The following APBA2 variants were observed in gnomAD, a reference collection of about 807,000 sequenced individuals.
APBA2 encodes the protein amyloid beta precursor protein binding family A member 2, also known as amyloid-beta A4 precursor protein-binding family A member 2.
A neutral mutation model predicts 75.0 loss-of-function variants in APBA2; 30 were observed. The observed-to-expected ratio is 0.40, with a 90% CI of 0.30 to 0.54. APBA2 has a LOEUF of 0.54. APBA2 is among the 20% of genes least tolerant of loss of function. The pLI, the probability that APBA2 is intolerant of heterozygous loss-of-function variation, is 0.49. For synonymous variants in APBA2, 444 were observed against 409.6 expected (o/e 1.08, Z -1.01); for missense variants, 801 against 1,016.1 (o/e 0.79, Z 2.88).
intron 1 of APBA2, among the ~76,000 whole-genome samples, chr15:28,896,705 T>C (rs2032513948): frequency 6.6e-6 from 1 of 152,200 alleles, no homozygotes; most frequent in Admixed American, 6.5e-5. Flanking sequence ...GGAGATGGGC[T>C]ATCATTGTGC....
At chr15:28,999,532 G>A (rs895905814) in intron 3 of APBA2, among the ~76,000 whole-genome samples, 1 of 152,162 alleles carries the variant, frequency 6.6e-6, no homozygotes, top group East Asian at 1.9e-4. Context: ...TAGAAAGTCT[G>A]ATAATCGAAG....
intron 3 of APBA2, among the ~76,000 whole-genome samples, chr15:29,051,295 C>A (rs2041582321): frequency 1.3e-5 from 2 of 152,122 alleles, no homozygotes; most frequent in African/African-American, 4.8e-5. Flanking sequence ...AATTGTCCTG[C>A]CAGTTTCAGG....
At chr15:28,964,166 A>G (rs546852366) in intron 2 of APBA2, among the ~76,000 whole-genome samples, 3 of 152,326 alleles carry the variant, frequency 2.0e-5, no homozygotes, top group Middle Eastern at 3.4e-3. Context: ...TTATTCCTCT[A>G]TGATCAATTA....
In APBA2 at chr15:29,042,510, G is replaced by T. The variant is rs527816892; in HGVS notation, c.-40-11335G>T. Among the ~76,000 whole-genome samples, 6 of 152,090 alleles carry T rather than the reference G, an allele frequency of 3.9e-5. No homozygotes were observed. In the East Asian group the frequency reaches 9.7e-4, roughly 25 times the overall value. On this transcript the variant is annotated intron_variant, in intron 3 of 14. Coordinates refer to ENST00000683413, the MANE Select transcript of APBA2 (RefSeq NM_001353788.2). Reference sequence around the variant, plus strand: ...CCTGACCTTGTGATCCGCCCGCCTCGGCCTCCCAAAGTGCTGGGATTACAG... The same window carrying T: ...CCTGACCTTGTGATCCGCCCGCCTCTGCCTCCCAAAGTGCTGGGATTACAG...
chr15:29,064,789 G>T (rs2042304479), intron 4 of APBA2, among the ~76,000 whole-genome samples: 1 of 152,080 alleles, frequency 6.6e-6, no homozygotes, highest in East Asian at 1.9e-4. Flanking sequence ...CTGAGGGGAG[G>T]GACATTAGGA....
intron 1 of APBA2, among the ~76,000 whole-genome samples, chr15:28,891,700 C>T (rs537604057): frequency 7.2e-5 from 11 of 152,294 alleles, no homozygotes; most frequent in African/African-American, 2.6e-4. Context: ...TTCTGAAACT[C>T]TCAGGCAAGG....
At chr15:28,950,166 C>T (rs531367899) in intron 2 of APBA2, among the ~76,000 whole-genome samples, 45 of 152,242 alleles carry the variant, frequency 3.0e-4, no homozygotes, top group Admixed American at 2.8e-3. Context: ...ATCTGCTGTT[C>T]TTCTCATGGT....
chr15:28,977,240 C>G (rs2037385556), intron 2 of APBA2: 1 of 152,142 alleles, frequency 6.6e-6, no homozygotes, highest in Admixed American at 6.5e-5. Flanking sequence ...TGGCTGCCTT[C>G]TTCCTGTGCT....
At chr15:29,042,693 C>T (rs966289258) in intron 3 of APBA2, among the ~76,000 whole-genome samples, 1 of 152,132 alleles carries the variant, frequency 6.6e-6, no homozygotes, top group Non-Finnish European at 1.5e-5. Flanking sequence ...ACTGTATGCA[C>T]TTGGAAATGA....
At chr15:28,996,369 G>A (rs947713832) in intron 3 of APBA2, among the ~76,000 whole-genome samples, 1 of 152,044 alleles carries the variant, frequency 6.6e-6, no homozygotes, top group Non-Finnish European at 1.5e-5. Flanking sequence ...GGGATGGAGC[G>A]TGGTCCATCC....
At chr15:29,070,799 T>A (rs1324495473) in intron 4 of APBA2, 1 of 284,496 alleles carries the variant, frequency 3.5e-6, no homozygotes, top group African/African-American at 2.2e-5. Flanking sequence ...CCTTCTGAGC[T>A]GGGTGGAGGA....
At chr15:28,950,090 T>C (rs904446888) in intron 2 of APBA2, among the ~76,000 whole-genome samples, 5 of 152,222 alleles carry the variant, frequency 3.3e-5, no homozygotes, top group African/African-American at 7.2e-5. Flanking sequence ...CAGCTTTCCT[T>C]GTTTTTAATG....
chr15:29,030,534 ATTC>A (rs2040437244), intron 3 of APBA2, among the ~76,000 whole-genome samples: 1 of 152,114 alleles, frequency 6.6e-6, no homozygotes, highest in South Asian at 2.1e-4. Context: ...AATTCTGTTT[ATTC>A]AGAGAACATA....
At chr15:28,955,000 T>C (rs114012277) in intron 2 of APBA2, among the ~76,000 whole-genome samples, 4,644 of 152,196 alleles carry the variant, frequency 0.031, 252 homozygotes, top group African/African-American at 0.11. Flanking sequence ...GCCAGAGGCA[T>C]AGCCGGCCCA....
chr15:28,992,899 C>T (rs2038310016), intron 2 of APBA2, among the ~76,000 whole-genome samples: 1 of 152,166 alleles, frequency 6.6e-6, no homozygotes, highest in Non-Finnish European at 1.5e-5. Context: ...TAATTTACGG[C>T]CTGAAGATTG....
intron 3 of APBA2, among the ~76,000 whole-genome samples, chr15:29,003,930 A>G (rs1344562196): frequency 3.3e-5 from 5 of 152,230 alleles, no homozygotes; most frequent in African/African-American, 1.2e-4. Context: ...AACGTCTGGA[A>G]GAGTGGCTGA....
intron 2 of APBA2, among the ~76,000 whole-genome samples, chr15:28,954,669 C>G (rs2036071955): frequency 6.6e-6 from 1 of 151,654 alleles, no homozygotes; most frequent in Non-Finnish European, 1.5e-5. Flanking sequence ...GTCCTGACAT[C>G]TTCTTGAAGA....
chr15:29,014,087 C>A (rs2039537577), intron 3 of APBA2, among the ~76,000 whole-genome samples: 1 of 152,230 alleles, frequency 6.6e-6, no homozygotes, highest in African/African-American at 2.4e-5. Flanking sequence ...TTATCATCAT[C>A]CAGGGTTGAA....
chr15:28,944,642 G>T (rs560071830), intron 2 of APBA2, among the ~76,000 whole-genome samples: 2 of 152,232 alleles, frequency 1.3e-5, no homozygotes, highest in Non-Finnish European at 1.5e-5. Flanking sequence ...GCTGCTCGGC[G>T]TGCCGAAGGA....
Sources: allele counts gnomAD v4.1 joint callset (sites outside exome capture counted in the v4.1 genomes callset), GRCh38; gene constraint gnomAD v4.1.1; transcripts MANE v1.5; gene names NCBI Gene and HGNC (gene_info 2026-07-23, HGNC 2026-07-21).